The following PRKCE variants were observed in gnomAD, a reference collection of about 807,000 sequenced individuals.
The protein encoded by PRKCE is protein kinase C epsilon type.
A neutral mutation model predicts 85.4 loss-of-function variants in PRKCE; 16 were observed. The ratio of observed to expected loss-of-function variants is 0.19; its 90% CI spans 0.13 to 0.28. The LOEUF (loss-of-function observed/expected upper bound fraction) is 0.28, where lower values mean the gene tolerates loss of function less well. Ranked by LOEUF, PRKCE falls within the 10% of genes least tolerant of loss-of-function variation. The probability of loss-of-function intolerance (pLI) is 1.00; values close to 1 mark genes in which losing one functional copy is unlikely to be tolerated. For missense variants in PRKCE, 573 were observed against 975.2 expected, an observed-to-expected ratio of 0.59 and a Z score of 5.49; for synonymous variants, 388 against 371.5, an observed-to-expected ratio of 1.04 and a Z score of -0.51.
At chr2:46,046,516 G>C (rs913673365) in intron 10 of PRKCE, among the ~76,000 whole-genome samples, 2 of 152,216 alleles carry the variant, frequency 1.3e-5, no homozygotes, top group Non-Finnish European at 2.9e-5. Context: ...GTTCAAGTTT[G>C]AGAGTCTCCA....
At chr2:45,987,869 G>A (rs1703465048) in intron 6 of PRKCE, among the ~76,000 whole-genome samples, 1 of 152,234 alleles carries the variant, frequency 6.6e-6, no homozygotes, top group Non-Finnish European at 1.5e-5. Flanking sequence ...TCCTTACCCT[G>A]TGGAGAGGGG....
At chr2:46,173,941 A>C (rs1003389575) in intron 14 of PRKCE, among the ~76,000 whole-genome samples, 2 of 152,214 alleles carry the variant, frequency 1.3e-5, no homozygotes, top group African/African-American at 4.8e-5. Flanking sequence ...TTTATAGTTT[A>C]GCAAACAATA....
chr2:46,117,696 C>T (rs912012957), intron 11 of PRKCE, among the ~76,000 whole-genome samples: 56 of 152,304 alleles, frequency 3.7e-4, no homozygotes, highest in African/African-American at 1.3e-3. Flanking sequence ...TAGTATCTAC[C>T]TCACGGGATT....
chr2:46,102,280 C>G (rs4953317), intron 11 of PRKCE, among the ~76,000 whole-genome samples: 40,557 of 152,070 alleles, frequency 0.27, 5,619 homozygotes, highest in South Asian at 0.41. Flanking sequence ...GTTAACAGGC[C>G]TACACTGGGT....
intron 2 of PRKCE, among the ~76,000 whole-genome samples, chr2:45,944,530 C>T (rs1056286601): frequency 4.6e-5 from 7 of 152,072 alleles, no homozygotes; most frequent in Non-Finnish European, 5.9e-5. Flanking sequence ...GCTCTGTCGC[C>T]CAGGCTGGAG....
intron 2 of PRKCE, among the ~76,000 whole-genome samples, chr2:45,882,863 G>A (rs1442617361): frequency 6.6e-6 from 1 of 152,238 alleles, no homozygotes; most frequent in East Asian, 1.9e-4. Flanking sequence ...CATCACCTCT[G>A]GCAGGACAAG....
Position 46,029,420 on chromosome 2 carries a change from G to A in PRKCE, c.1437+18903G>A, listed in dbSNP as rs73926165. ...TTTATGGATAAGCACATTGAGGTTT[G>A]GAATTTCATGTGACACCGGGGTGAA... On this transcript the variant is annotated intron_variant, in intron 10 of 14. Coordinates refer to ENST00000306156, the MANE Select transcript of PRKCE (RefSeq NM_005400.3). 2.5e-3 allele frequency among the ~76,000 whole-genome samples: 375 copies of A among 152,232 alleles called. 4 individuals are homozygous for A. In the Middle Eastern group the frequency reaches 0.027, roughly 11 times the overall value.
intron 1 of PRKCE, among the ~76,000 whole-genome samples, chr2:45,747,639 G>A (rs138542125): frequency 1.4e-4 from 21 of 152,088 alleles, no homozygotes; most frequent in African/African-American, 4.6e-4. Context: ...TTCCCCTTTT[G>A]GCTATTGAAT....
chr2:46,180,686 G>A (rs1415460259), intron 14 of PRKCE, among the ~76,000 whole-genome samples: 1 of 152,218 alleles, frequency 6.6e-6, no homozygotes, highest in African/African-American at 2.4e-5. Flanking sequence ...TTTATTGAGT[G>A]CACTCTGTAT....
chr2:45,885,649 G>A (rs1005770985), intron 2 of PRKCE, among the ~76,000 whole-genome samples: 1 of 152,192 alleles, frequency 6.6e-6, no homozygotes, highest in African/African-American at 2.4e-5. Context: ...TTCTCTGACT[G>A]TTGTTGACAA....
intron 2 of PRKCE, among the ~76,000 whole-genome samples, chr2:45,951,881 G>A (rs1295591186): frequency 6.6e-6 from 1 of 152,228 alleles, no homozygotes; most frequent in Non-Finnish European, 1.5e-5. Flanking sequence ...CGCCCAGGCT[G>A]GAGCACAGGG....
At chr2:46,158,869 T>G (rs1677470560) in intron 13 of PRKCE, among the ~76,000 whole-genome samples, 1 of 152,188 alleles carries the variant, frequency 6.6e-6, no homozygotes, top group Admixed American at 6.5e-5. Flanking sequence ...CAGGACTGAC[T>G]CATTTAATAG....
intron 10 of PRKCE, among the ~76,000 whole-genome samples, chr2:46,028,687 T>G (rs1054369891): frequency 3.3e-5 from 5 of 152,216 alleles, no homozygotes; most frequent in African/African-American, 1.2e-4. Flanking sequence ...AACTTTTAAG[T>G]TCAGGGTATA....
At chr2:46,109,906 T>A (rs1011551912) in intron 11 of PRKCE, among the ~76,000 whole-genome samples, 1 of 152,130 alleles carries the variant, frequency 6.6e-6, no homozygotes, top group Non-Finnish European at 1.5e-5. Flanking sequence ...ATTTTTATAA[T>A]GAATGGGTAT....
chr2:46,072,048 A>G, intron 10 of PRKCE, among the ~76,000 whole-genome samples: 1 of 152,240 alleles, frequency 6.6e-6, no homozygotes, highest in East Asian at 1.9e-4. Context: ...CCGCGCTATT[A>G]TAGCAAATAT....
intron 1 of PRKCE, among the ~76,000 whole-genome samples, chr2:45,771,210 T>C (rs1008259308): frequency 6.6e-6 from 1 of 152,154 alleles, no homozygotes; most frequent in Non-Finnish European, 1.5e-5. Context: ...AAGATGGTGA[T>C]GCTAGGGAAT....
At chr2:46,161,690 C>T (rs1677780563) in intron 14 of PRKCE, among the ~76,000 whole-genome samples, 2 of 151,886 alleles carry the variant, frequency 1.3e-5, no homozygotes, top group Non-Finnish European at 2.9e-5. Flanking sequence ...TATTGAGAGG[C>T]CACGAGGTGG....
intron 1 of PRKCE, among the ~76,000 whole-genome samples, chr2:45,712,343 C>A (rs1041654590): frequency 4.0e-5 from 6 of 151,632 alleles, no homozygotes; most frequent in Admixed American, 2.0e-4. Context: ...TTAGTAGAGA[C>A]GAGGGTTCCC....
chr2:45,843,303 G>A (rs536139975), intron 2 of PRKCE, among the ~76,000 whole-genome samples: 3 of 152,372 alleles, frequency 2.0e-5, no homozygotes, highest in East Asian at 3.9e-4. Context: ...AATAAAACGG[G>A]CGTTTTTGCA....
Sources: allele counts gnomAD v4.1 joint callset (sites outside exome capture counted in the v4.1 genomes callset), GRCh38; gene constraint gnomAD v4.1.1; transcripts MANE v1.5; gene names NCBI Gene and HGNC (gene_info 2026-07-23, HGNC 2026-07-21).